The following STX8 variants were observed in gnomAD, a reference collection of about 807,000 sequenced individuals.
The protein encoded by STX8 is syntaxin 8.
In STX8, 23 loss-of-function variants were observed where a neutral mutation model predicts 37.5. The observed-to-expected ratio is 0.61, with a 90% CI of 0.44 to 0.87. The LOEUF (loss-of-function observed/expected upper bound fraction) is 0.87. Among genes scored for constraint, STX8 ranks in the 40% least tolerant of loss-of-function variants. The pLI, the probability that STX8 is intolerant of heterozygous loss-of-function variation, is 0.00. For synonymous variants in STX8, 115 were observed against 99.1 expected, an observed-to-expected ratio of 1.16 and a Z score of -0.95; for missense variants, 313 against 284.7, an observed-to-expected ratio of 1.10 and a Z score of -0.71.
chr17:9,525,316 C>G (rs575916451), intron 4 of STX8, among the ~76,000 whole-genome samples: 55 of 152,084 alleles, frequency 3.6e-4, no homozygotes, highest in African/African-American at 1.3e-3. Context: ...CAGCCTCCCC[C>G]CACTGCCCAC....
chr17:9,512,265 A>C (rs1349263423), intron 4 of STX8, among the ~76,000 whole-genome samples: 9 of 152,194 alleles, frequency 5.9e-5, no homozygotes, highest in Non-Finnish European at 1.5e-5. Context: ...GGAACCACAA[A>C]AGACCCTGAA....
At chr17:9,446,283 C>G (rs1410490713) in intron 6 of STX8, among the ~76,000 whole-genome samples, 3 of 152,162 alleles carry the variant, frequency 2.0e-5, no homozygotes, top group Non-Finnish European at 1.5e-5. Flanking sequence ...TATTTGCTGA[C>G]TGACTATTCA....
At chr17:9,489,816 G>A (rs182739459) in intron 6 of STX8, among the ~76,000 whole-genome samples, 25 of 150,432 alleles carry the variant, frequency 1.7e-4, no homozygotes, top group Admixed American at 9.4e-4. Flanking sequence ...AGCCTCCCGC[G>A]TAGCTGGGAT....
At chr17:9,291,339 A>G (rs2142164202) in intron 7 of STX8, among the ~76,000 whole-genome samples, 1 of 151,310 alleles carries the variant, frequency 6.6e-6, no homozygotes, top group South Asian at 2.1e-4. Flanking sequence ...CCAGCTACTC[A>G]GGAGGGAGGG....
chr17:9,368,154 T>C (rs758327302), intron 7 of STX8, among the ~76,000 whole-genome samples: 3 of 152,232 alleles, frequency 2.0e-5, no homozygotes, highest in Non-Finnish European at 4.4e-5. Flanking sequence ...TCTACTTAAC[T>C]TTTAAATTAC....
At position 9,267,059 on chromosome 17, in the gene STX8, C is replaced by T. The variant is rs1907256054; in HGVS notation, c.644-16414G>A. Reference sequence around the variant, plus strand: ...TACTGTGTGTCACTTCCCACGTATGCGGCAAAATGACAGAGTGTGTGAAAG... The same window carrying T: ...TACTGTGTGTCACTTCCCACGTATGTGGCAAAATGACAGAGTGTGTGAAAG... On this transcript the variant is annotated intron_variant, in intron 7 of 7. Coordinates refer to ENST00000306357, the MANE Select transcript of STX8 (RefSeq NM_004853.3). 3.3e-5 allele frequency among the ~76,000 whole-genome samples: 5 copies of T among 152,154 alleles called. No homozygotes were observed. In the South Asian group the frequency reaches 6.2e-4, roughly 19 times the overall value.
At chr17:9,437,698 G>C (rs1484586121) in intron 6 of STX8, 2 of 152,132 alleles carry the variant, frequency 1.3e-5, no homozygotes, top group African/African-American at 4.8e-5. Flanking sequence ...TGCTAGGCTA[G>C]GCCTTATATC....
At chr17:9,473,187 T>C (rs550542608) in intron 6 of STX8, among the ~76,000 whole-genome samples, 169 of 152,160 alleles carry the variant, frequency 1.1e-3, no homozygotes, top group Non-Finnish European at 2.0e-3. Flanking sequence ...TGGCTAATTT[T>C]TGTATTTTTT....
intron 7 of STX8, among the ~76,000 whole-genome samples, chr17:9,265,775 C>T (rs1371319205): frequency 6.6e-6 from 1 of 152,184 alleles, no homozygotes; most frequent in East Asian, 1.9e-4. Flanking sequence ...AAAAGCTCTG[C>T]CCTCACCAAA....
chr17:9,511,753 G>C (rs1905024037), intron 4 of STX8, among the ~76,000 whole-genome samples: 1 of 151,980 alleles, frequency 6.6e-6, no homozygotes, highest in African/African-American at 2.4e-5. Context: ...TCAGACAAGA[G>C]AAAGTAATAA....
chr17:9,383,247 A>G (rs1482565771), intron 6 of STX8, among the ~76,000 whole-genome samples: 1 of 152,202 alleles, frequency 6.6e-6, no homozygotes, highest in African/African-American at 2.4e-5. Flanking sequence ...AGAACAAGAC[A>G]ACAACCTAGC....
At chr17:9,390,389 G>C (rs761271222) in intron 6 of STX8, among the ~76,000 whole-genome samples, 1 of 152,014 alleles carries the variant, frequency 6.6e-6, no homozygotes, top group Non-Finnish European at 1.5e-5. Flanking sequence ...GGGCGTGGTG[G>C]TGGTTGTCTG....
At chr17:9,425,894 G>T (rs1313959006) in intron 6 of STX8, among the ~76,000 whole-genome samples, 1 of 152,240 alleles carries the variant, frequency 6.6e-6, no homozygotes, top group Admixed American at 6.5e-5. Flanking sequence ...GTCTACAGAT[G>T]AGCCAGTCTC....
chr17:9,348,353 A>C (rs1198874083), intron 7 of STX8, among the ~76,000 whole-genome samples: 1 of 150,646 alleles, frequency 6.6e-6, no homozygotes, highest in East Asian at 2.0e-4. Flanking sequence ...GGGAGGCAGA[A>C]CTTGCAATGA....
chr17:9,445,487 C>T (rs1184341516), intron 6 of STX8, among the ~76,000 whole-genome samples: 8 of 4,958 alleles, frequency 1.6e-3, no homozygotes, highest in East Asian at 7.0e-3. Flanking sequence ...GAGTGGTGGC[C>T]GGGGAGGGGG....
At chr17:9,355,265 C>G (rs1910837603) in intron 7 of STX8, among the ~76,000 whole-genome samples, 1 of 150,122 alleles carries the variant, frequency 6.7e-6, no homozygotes, top group Admixed American at 6.6e-5. Context: ...CATTCCTACT[C>G]TTTCGATCTT....
intron 7 of STX8, among the ~76,000 whole-genome samples, chr17:9,275,219 G>A (rs1159373417): frequency 2.0e-5 from 3 of 152,122 alleles, no homozygotes; most frequent in Non-Finnish European, 4.4e-5. Flanking sequence ...CCAGACCTCT[G>A]GGGTCCCTTC....
intron 7 of STX8, among the ~76,000 whole-genome samples, chr17:9,274,684 T>A (rs1389760822): frequency 3.3e-5 from 4 of 120,034 alleles, no homozygotes; most frequent in African/African-American, 1.2e-4. Flanking sequence ...TCAAAAATAA[T>A]AATAATAATA....
rs536957016 is a variant in STX8, at chr17:9,544,007, C to T, written c.323+1165G>A. Among the ~76,000 whole-genome samples, 15 of 152,232 alleles carry T rather than the reference C, an allele frequency of 9.9e-5. 1 individual carries two copies. The South Asian group carries it at 1.9e-3, about 19-fold the overall frequency. On this transcript the variant is annotated intron_variant, in intron 4 of 7. Transcript: ENST00000306357. ...CAATCTGGGTTGTATATTAGAATCACCTGAGACCTCCCTGCCCCTCTGCCC... is the reference window on the plus strand; with the variant it reads ...CAATCTGGGTTGTATATTAGAATCATCTGAGACCTCCCTGCCCCTCTGCCC...
Sources: allele counts gnomAD v4.1 joint callset (sites outside exome capture counted in the v4.1 genomes callset), GRCh38; gene constraint gnomAD v4.1.1; transcripts MANE v1.5; gene names NCBI Gene and HGNC (gene_info 2026-07-23, HGNC 2026-07-21).